Variants in MDGA2 observed in about 807,000 individuals in gnomAD.
MDGA2 encodes MAM domain-containing glycosylphosphatidylinositol anchor protein 2.
A neutral mutation model predicts 117.8 loss-of-function variants in MDGA2; 40 were observed. That is an observed-to-expected ratio of 0.34 (90% CI 0.26 to 0.44). The LOEUF (loss-of-function observed/expected upper bound fraction) is 0.44, where lower values mean the gene tolerates loss of function less well. MDGA2 is among the 20% of genes least tolerant of loss of function. The pLI, the probability that MDGA2 is intolerant of heterozygous loss-of-function variation, is 1.00. For missense variants in MDGA2, 1,123 were observed against 1,250.6 expected (o/e 0.90, Z 1.54); for synonymous variants, 452 against 439.0 (o/e 1.03, Z -0.37).
chr14:47,369,700 T>G (rs1427497312), intron 1 of MDGA2, among the ~76,000 whole-genome samples: 1 of 152,168 alleles, frequency 6.6e-6, no homozygotes, highest in Non-Finnish European at 1.5e-5. Context: ...CCCATCAATA[T>G]AGTGGTCATC....
intron 1 of MDGA2, among the ~76,000 whole-genome samples, chr14:47,532,721 CT>C (rs1895125196): frequency 6.6e-6 from 1 of 152,124 alleles, no homozygotes; most frequent in Non-Finnish European, 1.5e-5. Context: ...TCAGTTAAAA[CT>C]TTTTATTGCT....
At chr14:47,384,427 A>C (rs539060416) in intron 1 of MDGA2, among the ~76,000 whole-genome samples, 108 of 151,856 alleles carry the variant, frequency 7.1e-4, no homozygotes, top group African/African-American at 2.2e-3. Flanking sequence ...ATTTTTCCTC[A>C]AGCAGCAGTT....
chr14:47,242,911 T>C lies in MDGA2; in HGVS notation c.421-24716A>G, dbSNP rs531331185. Among the ~76,000 whole-genome samples the C allele has an allele frequency of 3.6e-4, 55 of 151,834 alleles. 1 individual carries two copies. The East Asian group carries it at 9.9e-3, about 27-fold the overall frequency. On this transcript the variant is annotated intron_variant, in intron 2 of 16. Transcript: ENST00000399232. ...AGGTGAAGCCAGCTGGGCTCCTGAG[T>C]CTGGTGGGGACGTGGAGAGTCTTTA... is the stretch of plus-strand genomic sequence containing the variant.
chr14:47,556,490 C>T (rs951552293), intron 1 of MDGA2, among the ~76,000 whole-genome samples: 3 of 152,164 alleles, frequency 2.0e-5, no homozygotes, highest in Non-Finnish European at 2.9e-5. Context: ...GACAATTTTT[C>T]TGGATTACAG....
intron 1 of MDGA2, among the ~76,000 whole-genome samples, chr14:47,574,394 C>T (rs1179652969): frequency 1.3e-5 from 2 of 152,202 alleles, no homozygotes; most frequent in African/African-American, 4.8e-5. Flanking sequence ...AGCAACGGAA[C>T]TTTCATATGC....
chr14:46,994,177 C>T (rs571801290), intron 8 of MDGA2, among the ~76,000 whole-genome samples: 12 of 152,252 alleles, frequency 7.9e-5, no homozygotes, highest in African/African-American at 2.6e-4. Context: ...AATCAGTGCT[C>T]GGAAGGTAAT....
At chr14:47,342,282 A>ATATATATATAT (rs1566746810) in intron 1 of MDGA2, among the ~76,000 whole-genome samples, 3 of 138,676 alleles carry the variant, frequency 2.2e-5, no homozygotes, top group African/African-American at 7.8e-5. Flanking sequence ...ATATATATAT[A>ATATATATATAT]AAATATGTTA....
At chr14:47,378,610 G>A (rs949235778) in intron 1 of MDGA2, among the ~76,000 whole-genome samples, 5 of 151,954 alleles carry the variant, frequency 3.3e-5, no homozygotes, top group African/African-American at 1.2e-4. Flanking sequence ...TGGAAGAAAG[G>A]GTATCAGTGA....
chr14:47,190,397 A>G (rs147697325), intron 3 of MDGA2, among the ~76,000 whole-genome samples: 1 of 152,298 alleles, frequency 6.6e-6, no homozygotes, highest in African/African-American at 2.4e-5. Context: ...GACATGCTGT[A>G]TTATATAAAC....
chr14:47,627,826 C>T (rs1897176870), intron 1 of MDGA2, among the ~76,000 whole-genome samples: 1 of 152,182 alleles, frequency 6.6e-6, no homozygotes, highest in South Asian at 2.1e-4. Context: ...TTTATGAGCT[C>T]TAACACTCAC....
chr14:47,591,220 C>A (rs1372768424), intron 1 of MDGA2, among the ~76,000 whole-genome samples: 2 of 152,016 alleles, frequency 1.3e-5, no homozygotes, highest in Non-Finnish European at 1.5e-5. Context: ...GGTTTAAATT[C>A]TGGGATTGTA....
chr14:47,552,125 T>A (rs546842938), intron 1 of MDGA2, among the ~76,000 whole-genome samples: 1 of 152,340 alleles, frequency 6.6e-6, no homozygotes, highest in Non-Finnish European at 1.5e-5. Flanking sequence ...CCTGCTTTTA[T>A]CTCAATTCAG....
At chr14:47,251,037 A>T (rs1362535774) in intron 2 of MDGA2, among the ~76,000 whole-genome samples, 1 of 152,206 alleles carries the variant, frequency 6.6e-6, no homozygotes, top group Non-Finnish European at 1.5e-5. Flanking sequence ...CCAGATAAAA[A>T]ATAATGTTTA....
chr14:46,903,850 T>C (rs112451151), intron 10 of MDGA2, among the ~76,000 whole-genome samples: 17 of 152,288 alleles, frequency 1.1e-4, no homozygotes, highest in Middle Eastern at 3.4e-3. Context: ...AACAGTTTTT[T>C]CAAGTTGAAA....
chr14:47,255,696 C>T (rs1887594122), intron 2 of MDGA2, among the ~76,000 whole-genome samples: 1 of 151,990 alleles, frequency 6.6e-6, no homozygotes, highest in African/African-American at 2.4e-5. Flanking sequence ...TTAATAGGTG[C>T]ATTAGCTTTT....
At chr14:47,521,049 T>C (rs889823705) in intron 1 of MDGA2, among the ~76,000 whole-genome samples, 7 of 152,180 alleles carry the variant, frequency 4.6e-5, no homozygotes, top group Non-Finnish European at 1.0e-4. Flanking sequence ...CTGTCATGGA[T>C]AAAATAATTA....
intron 1 of MDGA2, among the ~76,000 whole-genome samples, chr14:47,316,523 T>C (rs1889815536): frequency 6.6e-6 from 1 of 151,952 alleles, no homozygotes; most frequent in East Asian, 1.9e-4. Flanking sequence ...ACATGGAAAA[T>C]AACTTGTTTA....
At chr14:47,103,566 C>T (rs898810323) in intron 5 of MDGA2, among the ~76,000 whole-genome samples, 2 of 152,134 alleles carry the variant, frequency 1.3e-5, no homozygotes, top group African/African-American at 4.8e-5. Context: ...TATTCATAAA[C>T]AGTTTTTAAT....
In MDGA2 at chr14:47,459,896, T is replaced by C. The variant is rs561416036; in HGVS notation, c.281-158346A>G. 7.2e-5 allele frequency among the ~76,000 whole-genome samples: 11 copies of C among 152,226 alleles called. No individual in the cohort carries two copies. In the East Asian group the frequency reaches 1.7e-3, roughly 24 times the overall value. On this transcript the variant is annotated intron_variant, in intron 1 of 16. Transcript: ENST00000399232. ...GTGACCAGAAATAGGAAAAGAAGAA[T>C]AGAATTAAATTTTTCAAACCAGGCA...
Sources: allele counts gnomAD v4.1 joint callset (sites outside exome capture counted in the v4.1 genomes callset), GRCh38; gene constraint gnomAD v4.1.1; transcripts MANE v1.5; gene names NCBI Gene and HGNC (gene_info 2026-07-23, HGNC 2026-07-21).